LAMA2: variants seen among roughly 807,000 people sequenced by gnomAD.
The protein encoded by LAMA2 is laminin subunit alpha 2, also known as laminin subunit alpha-2.
A neutral mutation model predicts 364.8 loss-of-function variants in LAMA2; 269 were observed. The observed-to-expected ratio is 0.74, with a 90% CI of 0.67 to 0.82. The LOEUF is 0.82. LAMA2 is among the 40% of genes least tolerant of loss of function. The pLI, the probability that LAMA2 is intolerant of heterozygous loss-of-function variation, is 0.00. For missense variants in LAMA2, 3,807 were observed against 3,873.2 expected (o/e 0.98, Z 0.45); for synonymous variants, 1,379 against 1,370.6 (o/e 1.01, Z -0.14).
chr6:128,955,862 T>A (rs1168303608), intron 1 of LAMA2, among the ~76,000 whole-genome samples: 1 of 151,994 alleles, frequency 6.6e-6, no homozygotes, highest in Non-Finnish European at 1.5e-5. Flanking sequence ...AGATGATAGC[T>A]ACACATTAAA....
chr6:128,940,111 T>G lies in LAMA2; in HGVS notation c.112+56754T>G, dbSNP rs1029103501. Among the ~76,000 whole-genome samples the G allele has an allele frequency of 4.0e-5, 6 of 151,800 alleles. No individual in the cohort carries two copies. The South Asian group carries it at 1.2e-3, about 32-fold the overall frequency. On this transcript the variant is annotated intron_variant, in intron 1 of 64. Coordinates refer to ENST00000421865, the MANE Select transcript of LAMA2 (RefSeq NM_000426.4). Reference sequence around the variant, plus strand: ...GTTTTGTTCATAATGGATTTTTTTTTGTTTGTTTTCTGAATGTGTTCTGTT... The same window carrying G: ...GTTTTGTTCATAATGGATTTTTTTTGGTTTGTTTTCTGAATGTGTTCTGTT...
At chr6:129,350,826 C>A (rs1776813700) in intron 31 of LAMA2, among the ~76,000 whole-genome samples, 2 of 152,154 alleles carry the variant, frequency 1.3e-5, no homozygotes, top group Non-Finnish European at 1.5e-5. Flanking sequence ...AATCCCAATG[C>A]AATTTTTATA....
At chr6:129,475,190 G>C (rs1784007521) in intron 52 of LAMA2, among the ~76,000 whole-genome samples, 200 bp from the exon 53 acceptor site, 1 of 151,640 alleles carries the variant, frequency 6.6e-6, no homozygotes, top group South Asian at 2.1e-4. Flanking sequence ...GTCATATTTT[G>C]ATTCTAATTT....
At chr6:129,311,633 T>C (rs1334825552) in intron 22 of LAMA2, among the ~76,000 whole-genome samples, 3 of 152,232 alleles carry the variant, frequency 2.0e-5, no homozygotes, top group African/African-American at 7.2e-5. Flanking sequence ...CTGAAATGAC[T>C]TATTCCAAGA....
intron 41 of LAMA2, among the ~76,000 whole-genome samples, chr6:129,432,305 C>T (rs545496667): frequency 6.6e-6 from 1 of 152,062 alleles, no homozygotes; most frequent in Non-Finnish European, 1.5e-5. Flanking sequence ...AGAGAAAAAA[C>T]AATAAGTGGC....
chr6:129,346,283 A>C (rs2114577664), intron 30 of LAMA2, among the ~76,000 whole-genome samples: 1 of 152,228 alleles, frequency 6.6e-6, no homozygotes, highest in South Asian at 2.1e-4. Flanking sequence ...CATTTCTTGC[A>C]CTTATCTAGA....
chr6:129,062,193 T>A (rs1046387602), intron 3 of LAMA2, among the ~76,000 whole-genome samples: 6 of 152,144 alleles, frequency 3.9e-5, no homozygotes, highest in African/African-American at 1.4e-4. Flanking sequence ...ACAGAGAAAA[T>A]GTGGACATTC....
chr6:129,104,369 T>TA (rs796072530), intron 4 of LAMA2, among the ~76,000 whole-genome samples: 4 of 152,346 alleles, frequency 2.6e-5, no homozygotes, highest in African/African-American at 9.6e-5. Flanking sequence ...TCTCAATTGT[T>TA]ACACACTAGT....
rs549588614 is a variant in LAMA2, at chr6:128,938,022, T to C, written c.112+54665T>C. Among the ~76,000 whole-genome samples, 8 of 152,250 alleles carry C rather than the reference T, an allele frequency of 5.3e-5. No homozygotes were observed. The East Asian group carries it at 1.3e-3, about 26-fold the overall frequency. On this transcript the variant is annotated intron_variant, in intron 1 of 64. Transcript: ENST00000421865. ...AAGATACTTTTGATTTCTCTTTGGA[T>C]TTCTTCTTTGACCCATTGGTCATTT...
chr6:129,378,611 G>A (rs1778508267), intron 34 of LAMA2, among the ~76,000 whole-genome samples: 1 of 152,100 alleles, frequency 6.6e-6, no homozygotes, highest in Non-Finnish European at 1.5e-5. Flanking sequence ...ATTAACTGGA[G>A]CAGTGTCCTC....
Position 128,960,403 on chromosome 6 carries a change from A to T in LAMA2, c.112+77046A>T, listed in dbSNP as rs56373437. 6.4e-3 allele frequency among the ~76,000 whole-genome samples: 902 copies of T among 141,242 alleles called. 11 individuals are homozygous for T. The highest frequency in any genetic ancestry group is 0.012 in the South Asian group (57 of 4,604). The allele number at this position is 141,242 out of a possible 152,430, so 92.7% of individuals were successfully genotyped here. On this transcript the variant is annotated intron_variant, in intron 1 of 64. Coordinates refer to ENST00000421865, the MANE Select transcript of LAMA2 (RefSeq NM_000426.4). ...CCCCAGGCTGGAGTGCAATGGCATGATCTTGGCTCACTGCAGCCTCTGCCT... is the reference window on the plus strand; with the variant it reads ...CCCCAGGCTGGAGTGCAATGGCATGTTCTTGGCTCACTGCAGCCTCTGCCT...
chr6:128,933,108 T>C (rs899443889), intron 1 of LAMA2, among the ~76,000 whole-genome samples: 4 of 152,182 alleles, frequency 2.6e-5, no homozygotes, highest in Non-Finnish European at 5.9e-5. Flanking sequence ...TGTTTTTCTA[T>C]GTGTGGCTTA....
intron 58 of LAMA2, among the ~76,000 whole-genome samples, chr6:129,495,154 AG>A (rs1785094583): frequency 6.6e-6 from 1 of 152,214 alleles, no homozygotes; most frequent in Admixed American, 6.5e-5. Context: ...TCGAGTTGTT[AG>A]AAAGCCATCG....
At chr6:129,469,027 A>G (rs1783681639) in intron 51 of LAMA2, among the ~76,000 whole-genome samples, 1 of 151,904 alleles carries the variant, frequency 6.6e-6, no homozygotes, top group African/African-American at 2.4e-5. Flanking sequence ...AAACATGTAT[A>G]AAAACATGAA....
Position 129,287,913 on chromosome 6 carries a change from T to G in LAMA2, c.2604T>G (p.Asn868Lys). Residue 868 changes from asparagine to lysine, a missense_variant, in exon 19 of 65, where the codon AAT (asparagine) becomes AAG (lysine). Asn to Lys is a moderately conservative substitution (Grantham distance 94). This residue lies in a region of LAMA2 where 3,333 missense variants were observed against 3,345.7 expected (regional missense o/e 1.00). Coordinates refer to ENST00000421865, the MANE Select transcript of LAMA2 (RefSeq NM_000426.4). ...GATCATGTCAGCCATGCCAATGCAA[T>G]GACAACCTTGACTTCTCCATCCCTG... Reference protein sequence around the residue: ...PGGSCQPCQCNDNLDFSIPGS... With the variant: ...PGGSCQPCQCKDNLDFSIPGS... 6.2e-7 allele frequency: 1 copy of G among 1,614,104 alleles called. No individual in the cohort carries two copies. The highest frequency in any genetic ancestry group is 1.1e-5 in the South Asian group (1 of 91,082).
chr6:128,939,506 A>T (rs879783053), intron 1 of LAMA2, among the ~76,000 whole-genome samples: 6 of 152,220 alleles, frequency 3.9e-5, no homozygotes, highest in Non-Finnish European at 8.8e-5. Flanking sequence ...AGTATCTGAC[A>T]CATAGTACAA....
intron 14 of LAMA2, 54 bp from the exon 15 acceptor site, chr6:129,260,657 G>T (rs1022096912): frequency 9.4e-7 from 1 of 1,059,536 alleles, no homozygotes; most frequent in Non-Finnish European, 1.5e-6. Context: ...TCCTACAGCT[G>T]TATAATACCT....
rs1583503906 is a variant in LAMA2, at chr6:129,328,370, T to G, written c.4269T>G (p.Asn1423Lys). ...TLGTCVPCQC[N>K]GHSSLCDPET... The stretch of plus-strand genomic sequence containing the variant: ...GCACCTGTGTTCCATGTCAATGTAA[T>G]GGACACAGCAGCCTGTGTGACCCTG... Residue 1423 changes from asparagine to lysine, a missense_variant, in exon 29 of 65, where the codon AAT (asparagine) becomes AAG (lysine). Physicochemically the swap from Asn to Lys is moderately conservative, Grantham distance 94. This residue lies in a region of LAMA2 where 3,333 missense variants were observed against 3,345.7 expected (regional missense o/e 1.00). Transcript: ENST00000421865. 6.2e-7 allele frequency: 1 copy of G among 1,614,138 alleles called. No homozygotes were observed. Among genetic ancestry groups the G allele is most frequent in the East Asian group, 2.2e-5 (1 of 44,884 alleles).
intron 1 of LAMA2, among the ~76,000 whole-genome samples, chr6:129,018,569 C>T (rs983667845): frequency 6.6e-6 from 1 of 151,368 alleles, no homozygotes; most frequent in African/African-American, 2.4e-5. Flanking sequence ...TAAACTACCC[C>T]TCTTGAGCTC....
Sources: gnomAD v4.1 joint callset for allele counts (sites outside exome capture counted in the v4.1 genomes callset) on GRCh38, gnomAD v4.1.1 for gene constraint, gnomAD v4.1.1 regional missense constraint, MANE v1.5 for transcripts, NCBI Gene and HGNC (gene_info 2026-07-23, HGNC 2026-07-21) for gene names.